The following TAFA1 variants were observed in gnomAD, a reference collection of about 807,000 sequenced individuals.
TAFA1 encodes TAFA chemokine like family member 1.
Under a neutral mutation model 18.5 loss-of-function variants are expected in TAFA1, and 4 were observed. The observed-to-expected ratio is 0.22, with a 90% CI of 0.11 to 0.49. The LOEUF (loss-of-function observed/expected upper bound fraction) is 0.49, where lower values mean the gene tolerates loss of function less well. Among genes scored for constraint, TAFA1 ranks in the 20% least tolerant of loss-of-function variants. The pLI is 0.98. For missense variants in TAFA1, 147 were observed against 169.0 expected, an observed-to-expected ratio of 0.87 and a Z score of 0.72; for synonymous variants, 56 against 55.2, an observed-to-expected ratio of 1.01 and a Z score of -0.06.
At position 68,448,092 on chromosome 3, in the gene TAFA1, T is replaced by C. The variant is rs184682939; in HGVS notation, c.259+30672T>C. On this transcript the variant is annotated intron_variant, in intron 3 of 4. Transcript: ENST00000478136. ...TGTGAGCAGTTCTGCCAGAGAGCAGTAGGGTGTGTGAGAGACATTTGCATC... is the reference window on the plus strand; with the variant it reads ...TGTGAGCAGTTCTGCCAGAGAGCAGCAGGGTGTGTGAGAGACATTTGCATC... 5.5e-4 allele frequency among the ~76,000 whole-genome samples: 83 copies of C among 152,208 alleles called. 2 individuals are homozygous for C. The East Asian group carries it at 0.013, about 23-fold the overall frequency.
intron 4 of TAFA1, among the ~76,000 whole-genome samples, chr3:68,540,962 C>G (rs1466278373): frequency 1.3e-5 from 2 of 152,196 alleles, no homozygotes; most frequent in African/African-American, 2.4e-5. Flanking sequence ...GTACCAGAGA[C>G]TGGAGCACAC....
At chr3:68,193,861 A>G (rs933218332) in intron 2 of TAFA1, among the ~76,000 whole-genome samples, 3 of 151,758 alleles carry the variant, frequency 2.0e-5, no homozygotes, top group Non-Finnish European at 4.4e-5. Context: ...AGTTTCTTAC[A>G]ACTGCAAACA....
intron 3 of TAFA1, among the ~76,000 whole-genome samples, chr3:68,444,038 C>G (rs1314502095): frequency 1.3e-5 from 2 of 152,132 alleles, no homozygotes; most frequent in African/African-American, 4.8e-5. Context: ...GGGAGAAGCC[C>G]TTGGTCCCTT....
chr3:68,055,753 T>C (rs1274607474), intron 2 of TAFA1, among the ~76,000 whole-genome samples: 1 of 152,224 alleles, frequency 6.6e-6, no homozygotes, highest in Non-Finnish European at 1.5e-5. Flanking sequence ...TACACAGATG[T>C]CCCTTTCCCT....
At chr3:68,475,316 C>A (rs1441758627) in intron 3 of TAFA1, among the ~76,000 whole-genome samples, 1 of 151,856 alleles carries the variant, frequency 6.6e-6, no homozygotes, top group East Asian at 1.9e-4. Flanking sequence ...CCCATCCCCC[C>A]ACCCCACAAC....
At chr3:68,343,846 T>C (rs1027632836) in intron 2 of TAFA1, among the ~76,000 whole-genome samples, 2 of 152,214 alleles carry the variant, frequency 1.3e-5, no homozygotes, top group Admixed American at 6.5e-5. Flanking sequence ...TGCAGCAATA[T>C]TATTATCAAT....
At chr3:68,471,776 T>C (rs1023474133) in intron 3 of TAFA1, among the ~76,000 whole-genome samples, 1 of 152,134 alleles carries the variant, frequency 6.6e-6, no homozygotes, top group Non-Finnish European at 1.5e-5. Flanking sequence ...GAACAATACT[T>C]TGCATCCTTC....
At chr3:68,135,033 G>A (rs987632484) in intron 2 of TAFA1, among the ~76,000 whole-genome samples, 4 of 152,270 alleles carry the variant, frequency 2.6e-5, no homozygotes, top group Middle Eastern at 3.4e-3. Flanking sequence ...TTGTGATTAT[G>A]ACTTATTGCT....
chr3:68,223,881 T>A (rs953205041), intron 2 of TAFA1, among the ~76,000 whole-genome samples: 4 of 151,992 alleles, frequency 2.6e-5, no homozygotes, highest in Admixed American at 2.6e-4. Flanking sequence ...TTTCTGCAGT[T>A]AAAACTGAAT....
At chr3:68,173,559 G>A (rs1269588980) in intron 2 of TAFA1, among the ~76,000 whole-genome samples, 1 of 151,870 alleles carries the variant, frequency 6.6e-6, no homozygotes, top group Admixed American at 6.6e-5. Flanking sequence ...TTATATGAAG[G>A]GCCTATTTTA....
intron 3 of TAFA1, among the ~76,000 whole-genome samples, chr3:68,529,234 G>T (rs1219723567): frequency 2.0e-5 from 3 of 151,628 alleles, no homozygotes; most frequent in Non-Finnish European, 2.9e-5. Context: ...TCCTAACGTT[G>T]CCCTCCACCC....
At chr3:68,057,514 G>T (rs1459167965) in intron 2 of TAFA1, among the ~76,000 whole-genome samples, 3 of 152,134 alleles carry the variant, frequency 2.0e-5, no homozygotes, top group South Asian at 4.1e-4. Context: ...TTATACATTA[G>T]AAACAATTTT....
chr3:68,087,739 A>G (rs2064987920), intron 2 of TAFA1, among the ~76,000 whole-genome samples: 1 of 152,126 alleles, frequency 6.6e-6, no homozygotes, highest in East Asian at 1.9e-4. Flanking sequence ...ATGAAGCAAC[A>G]TACTTTGAAT....
intron 2 of TAFA1, among the ~76,000 whole-genome samples, chr3:68,153,087 C>A (rs1019861709): frequency 6.6e-6 from 1 of 152,118 alleles, no homozygotes; most frequent in Non-Finnish European, 1.5e-5. Flanking sequence ...CCTTCTCACT[C>A]ATGAATGGAC....
At chr3:68,394,484 C>G (rs905473876) in intron 2 of TAFA1, among the ~76,000 whole-genome samples, 4 of 151,950 alleles carry the variant, frequency 2.6e-5, no homozygotes, top group Non-Finnish European at 4.4e-5. Context: ...AAAAAGGAGC[C>G]CATACAACCA....
chr3:68,260,495 A>G (rs1386860283), intron 2 of TAFA1, among the ~76,000 whole-genome samples: 3 of 152,186 alleles, frequency 2.0e-5, no homozygotes, highest in African/African-American at 7.2e-5. Context: ...ATTGATTGGA[A>G]TAGTTTCAGA....
chr3:68,480,607 C>T (rs542543537), intron 3 of TAFA1, among the ~76,000 whole-genome samples: 62 of 152,224 alleles, frequency 4.1e-4, no homozygotes, highest in Middle Eastern at 3.4e-3. Flanking sequence ...GTCAAATCCT[C>T]AGAACCCTAG....
In TAFA1 at chr3:68,084,712, C is replaced by T. The variant is rs192005240; in HGVS notation, c.118+77968C>T. The stretch of plus-strand genomic sequence containing the variant: ...ACTTGGGAGGCTCAGGCAGGAGAAT[C>T]GCTTGAAGCCGGGAGGCGGAGGTTG... On this transcript the variant is annotated intron_variant, in intron 2 of 4. Coordinates refer to ENST00000478136, the MANE Select transcript of TAFA1 (RefSeq NM_213609.4). Among the ~76,000 whole-genome samples, 553 of 151,694 alleles carry T rather than the reference C, an allele frequency of 3.6e-3. 5 individuals are homozygous for T. The highest frequency in any genetic ancestry group is 0.013 in the African/African-American group (518 of 41,376).
intron 2 of TAFA1, among the ~76,000 whole-genome samples, chr3:68,007,518 G>A (rs1334120678): frequency 6.6e-6 from 1 of 151,800 alleles, no homozygotes; most frequent in Non-Finnish European, 1.5e-5. Context: ...ACCTTCCCCG[G>A]TTCTTGGAAA....
Sources: allele counts gnomAD v4.1 joint callset (sites outside exome capture counted in the v4.1 genomes callset), GRCh38; gene constraint gnomAD v4.1.1; transcripts MANE v1.5; gene names NCBI Gene and HGNC (gene_info 2026-07-23, HGNC 2026-07-21).